The following TUSC3 variants were observed in gnomAD, a reference collection of about 807,000 sequenced individuals.
TUSC3 encodes dolichyl-diphosphooligosaccharide--protein glycosyltransferase subunit TUSC3.
In TUSC3, 45 loss-of-function variants were observed where a neutral mutation model predicts 44.8. The observed-to-expected ratio is 1.00, with a 90% CI of 0.79 to 1.29. The LOEUF is 1.29. Among genes scored for constraint, TUSC3 ranks in the 50% most tolerant of loss-of-function variants. The pLI, the probability that TUSC3 is intolerant of heterozygous loss-of-function variation, is 0.00. For missense variants in TUSC3, 519 were observed against 437.9 expected (o/e 1.19, Z -1.65); for synonymous variants, 212 against 152.9 (o/e 1.39, Z -2.85).
chr8:15,662,510 G>A (rs1376786543), intron 5 of TUSC3, among the ~76,000 whole-genome samples: 2 of 151,762 alleles, frequency 1.3e-5, no homozygotes. Context: ...CTGTCCCTCT[G>A]TACTTGGCAC....
At chr8:15,482,368 A>C (rs558813437) in intron 1 of TUSC3, among the ~76,000 whole-genome samples, 8 of 152,328 alleles carry the variant, frequency 5.3e-5, no homozygotes, top group Middle Eastern at 6.8e-3. Flanking sequence ...GTGGCAGAGA[A>C]TGGTGAGTCT....
rs536135298 is a variant in TUSC3 at position 15,611,225 on chromosome 8, C to T, written c.139-11855C>T. ...TTTTTGAGACAGAGTCTTGCCCTGT[C>T]TCCCAGTCTGGAGGGCAATGGCGTG... On this transcript the variant is annotated intron_variant, in intron 1 of 10. Coordinates refer to ENST00000503731, the MANE Select transcript of TUSC3 (RefSeq NM_006765.4). Among the ~76,000 whole-genome samples, 36 of 152,260 alleles carry T rather than the reference C, an allele frequency of 2.4e-4. No individual in the cohort carries two copies. The South Asian group carries it at 6.6e-3, about 28-fold the overall frequency.
At chr8:15,748,952 A>C (rs367854835) in intron 9 of TUSC3, 1 of 351,878 alleles carries the variant, frequency 2.8e-6, no homozygotes, top group Non-Finnish European at 5.5e-6. Context: ...CGAGTATCTC[A>C]TAAGATTTTC....
the TUSC3 span, among the ~76,000 whole-genome samples, chr8:15,851,964 G>A: frequency 1.6e-4 from 24 of 152,074 alleles, no homozygotes; most frequent in Non-Finnish European, 2.9e-4. Context: ...AATCCCTTTT[G>A]CTTGGATCTC....
the TUSC3 span, among the ~76,000 whole-genome samples, chr8:15,776,940 A>T: frequency 6.6e-6 from 1 of 152,204 alleles, no homozygotes; most frequent in Non-Finnish European, 1.5e-5. Context: ...ATTCAAAAAA[A>T]AAATAATTTA....
chr8:15,422,797 C>G (rs914169139), intron 1 of TUSC3, among the ~76,000 whole-genome samples: 2 of 152,014 alleles, frequency 1.3e-5, no homozygotes, highest in Non-Finnish European at 2.9e-5. Flanking sequence ...CACCCACCAC[C>G]AAACCCAGCT....
At chr8:15,671,462 G>A (rs1369950551) in intron 5 of TUSC3, among the ~76,000 whole-genome samples, 7 of 152,044 alleles carry the variant, frequency 4.6e-5, no homozygotes, top group East Asian at 1.9e-4. Context: ...TGAAACCTAG[G>A]CTATTTTGCA....
the TUSC3 span, among the ~76,000 whole-genome samples, chr8:15,779,309 C>T: frequency 6.6e-6 from 1 of 152,108 alleles, no homozygotes; most frequent in Non-Finnish European, 1.5e-5. Flanking sequence ...ATGTAGCAGT[C>T]CTCCCACCTG....
At chr8:15,713,160 A>G (rs1809925081) in intron 6 of TUSC3, among the ~76,000 whole-genome samples, 1 of 152,178 alleles carries the variant, frequency 6.6e-6, no homozygotes, top group African/African-American at 2.4e-5. Context: ...ATATAAAAGA[A>G]AACATAAAAG....
upstream of TUSC3, among the ~76,000 whole-genome samples, chr8:15,536,934 C>T (rs1483829034): frequency 6.6e-6 from 1 of 151,798 alleles, no homozygotes; most frequent in African/African-American, 2.4e-5. Context: ...CTGACTCTGG[C>T]ATAATAGTAT....
At chr8:15,497,078 A>G (rs1055185465) in intron 2 of TUSC3, among the ~76,000 whole-genome samples, 6 of 152,222 alleles carry the variant, frequency 3.9e-5, no homozygotes, top group Non-Finnish European at 2.9e-5. Context: ...AAAATACGGA[A>G]AATACGGTAA....
At chr8:15,462,144 C>G (rs1302570478) in intron 1 of TUSC3, among the ~76,000 whole-genome samples, 4 of 151,980 alleles carry the variant, frequency 2.6e-5, no homozygotes, top group Admixed American at 2.0e-4. Context: ...GAACCTGGTC[C>G]AAGCTTCATA....
intron 2 of TUSC3, among the ~76,000 whole-genome samples, chr8:15,643,201 C>T (rs183043934): frequency 1.3e-4 from 20 of 152,264 alleles, no homozygotes; most frequent in Admixed American, 1.1e-3. Flanking sequence ...TTACTGAGGC[C>T]TCCCCAGCTG....
chr8:15,574,471 CTT>C (rs1803013074), intron 1 of TUSC3, among the ~76,000 whole-genome samples: 1 of 152,112 alleles, frequency 6.6e-6, no homozygotes, highest in Non-Finnish European at 1.5e-5. Flanking sequence ...CAGACTCTCT[CTT>C]TTGCTTAGGC....
chr8:15,736,431 CTT>C (rs549546196), intron 7 of TUSC3, among the ~76,000 whole-genome samples: 7 of 152,150 alleles, frequency 4.6e-5, no homozygotes, highest in African/African-American at 9.6e-5. Context: ...GTTTAAAACT[CTT>C]TATATAATTT....
chr8:15,506,034 A>C (rs1801046653), intron 2 of TUSC3, among the ~76,000 whole-genome samples: 1 of 152,202 alleles, frequency 6.6e-6, no homozygotes, highest in Non-Finnish European at 1.5e-5. Flanking sequence ...GTTTGTTTGC[A>C]GTAGTTTCTA....
At chr8:15,562,014 A>G (rs1199270694) in intron 1 of TUSC3, among the ~76,000 whole-genome samples, 2 of 152,170 alleles carry the variant, frequency 1.3e-5, no homozygotes, top group Non-Finnish European at 2.9e-5. Flanking sequence ...CTATTCGGCC[A>G]TCTTGGCTCC....
At chr8:15,635,390 G>A (rs1806020270) in intron 2 of TUSC3, among the ~76,000 whole-genome samples, 1 of 152,164 alleles carries the variant, frequency 6.6e-6, no homozygotes, top group East Asian at 1.9e-4. Flanking sequence ...ATGTCACAAT[G>A]CTGGATGCTA....
chr8:15,603,406 G>C (rs994475277), intron 1 of TUSC3, among the ~76,000 whole-genome samples: 18 of 151,614 alleles, frequency 1.2e-4, no homozygotes, highest in African/African-American at 4.4e-4. Context: ...CCCACATGTT[G>C]CTGGTAGGAG....
Sources: gnomAD v4.1 joint callset for allele counts (sites outside exome capture counted in the v4.1 genomes callset) on GRCh38, gnomAD v4.1.1 for gene constraint, MANE v1.5 for transcripts, NCBI Gene and HGNC (gene_info 2026-07-23, HGNC 2026-07-21) for gene names.